LTAP1: variants seen among roughly 807,000 people sequenced by gnomAD.
The protein encoded by LTAP1 is HCV NS5A-transactivated protein 4.
chr1:154,207,399 T>C, the LTAP1 span: 5 of 1,570,808 alleles, frequency 3.2e-6, no homozygotes, highest in South Asian at 1.1e-5. Flanking sequence ...AAGCAGCCTG[T>C]CTTGCACATT....
chr1:154,218,426 G>A, the LTAP1 span, among the ~76,000 whole-genome samples: 1 of 152,204 alleles, frequency 6.6e-6, no homozygotes, highest in South Asian at 2.1e-4. Context: ...TTCATGATGT[G>A]CTAGAAACTA....
the LTAP1 span, chr1:154,220,159 G>T: frequency 1.2e-6 from 1 of 809,720 alleles, no homozygotes. Context: ...GAGGGTTCTA[G>T]ACTAACGAGG....
At chr1:154,212,321 CA>C in the LTAP1 span, 1 of 1,614,168 alleles carries the variant, frequency 6.2e-7, no homozygotes, top group Non-Finnish European at 8.5e-7. Context: ...CAAACTCACG[CA>C]GTGGCCAGCT....
the LTAP1 span, chr1:154,220,304 G>A: frequency 6.2e-7 from 1 of 1,611,410 alleles, no homozygotes; most frequent in Non-Finnish European, 8.5e-7. Flanking sequence ...TACTGGGTAA[G>A]ATGCGACAGC....
chr1:154,218,826 CAT>C, the LTAP1 span, among the ~76,000 whole-genome samples: 1 of 152,056 alleles, frequency 6.6e-6, no homozygotes, highest in Non-Finnish European at 1.5e-5. Flanking sequence ...AATGGACAAA[CAT>C]AAAAATTATG....
At chr1:154,219,245 G>C in the LTAP1 span, among the ~76,000 whole-genome samples, 2 of 152,212 alleles carry the variant, frequency 1.3e-5, no homozygotes, top group Non-Finnish European at 2.9e-5. Context: ...AGGAACTCAG[G>C]AAAGAGTTCT....
At chr1:154,216,248 C>T in the LTAP1 span, among the ~76,000 whole-genome samples, 2 of 152,066 alleles carry the variant, frequency 1.3e-5, no homozygotes, top group Non-Finnish European at 2.9e-5. Flanking sequence ...ATCGTGTCAC[C>T]CTAAAAAAGA....
At chr1:154,212,639 G>A in the LTAP1 span, 6 of 1,613,324 alleles carry the variant, frequency 3.7e-6, no homozygotes, top group Non-Finnish European at 5.1e-6. Context: ...GGAGAAAACA[G>A]CACAATGATA....
the LTAP1 span, chr1:154,206,774 A>G: frequency 6.3e-6 from 1 of 157,650 alleles, no homozygotes; most frequent in Admixed American, 6.3e-5. Flanking sequence ...AGACCAGTGC[A>G]TTGGGCTTGT....
At chr1:154,211,333 T>A in the LTAP1 span, among the ~76,000 whole-genome samples, 1 of 116,422 alleles carries the variant, frequency 8.6e-6, no homozygotes, top group Non-Finnish European at 1.8e-5. Context: ...TCTTTTTTTT[T>A]TTTTTTTTTT....
chr1:154,218,891 G>C, the LTAP1 span, among the ~76,000 whole-genome samples: 1 of 152,174 alleles, frequency 6.6e-6, no homozygotes, highest in Non-Finnish European at 1.5e-5. Flanking sequence ...AAGAGAGGGG[G>C]AACCTACTTT....
the LTAP1 span, among the ~76,000 whole-genome samples, chr1:154,211,324 CTTTTTTTTTTTTTTTT>C: frequency 1.5e-4 from 5 of 34,042 alleles, no homozygotes; most frequent in South Asian, 1.3e-3. Flanking sequence ...TTATTTAATT[CTTTTTTTTTTTTTTTT>C]TTTTTTTTTT....
At chr1:154,211,206 T>C in the LTAP1 span, among the ~76,000 whole-genome samples, 6 of 151,754 alleles carry the variant, frequency 4.0e-5, no homozygotes, top group African/African-American at 7.3e-5. Flanking sequence ...GGTTTCACCA[T>C]GTTGGCCAGG....
At chr1:154,219,803 G>A in the LTAP1 span, 1 of 1,446,830 alleles carries the variant, frequency 6.9e-7, no homozygotes, top group Non-Finnish European at 9.5e-7. Flanking sequence ...AAGATCTGGA[G>A]AAGTATGTTT....
chr1:154,220,453 C>G, the LTAP1 span: 13 of 1,611,546 alleles, frequency 8.1e-6, no homozygotes, highest in African/African-American at 1.7e-4. Flanking sequence ...CCCCGCTGTC[C>G]TGGCTGGTCA....
At chr1:154,214,738 C>T in the LTAP1 span, among the ~76,000 whole-genome samples, 3 of 152,180 alleles carry the variant, frequency 2.0e-5, no homozygotes, top group South Asian at 2.1e-4. Flanking sequence ...TAGGAAAGAA[C>T]GGGATTGGGT....
the LTAP1 span, among the ~76,000 whole-genome samples, chr1:154,218,347 T>A: frequency 4.1e-4 from 62 of 152,142 alleles, no homozygotes; most frequent in Non-Finnish European, 2.4e-4. Context: ...TTAGAAAAAA[T>A]TTTTAAGCAA....
chr1:154,214,512 C>A, the LTAP1 span: 5 of 1,613,960 alleles, frequency 3.1e-6, no homozygotes, highest in Non-Finnish European at 4.2e-6. Context: ...CTGCAAGGAG[C>A]TGGGGCTCAT....
the LTAP1 span, among the ~76,000 whole-genome samples, chr1:154,218,036 C>T: frequency 6.6e-6 from 1 of 152,182 alleles, no homozygotes; most frequent in Admixed American, 6.6e-5. Flanking sequence ...CTCACATGAT[C>T]TTCTGGCCTC....
Sources: allele counts gnomAD v4.1 joint callset (sites outside exome capture counted in the v4.1 genomes callset), GRCh38; gene constraint gnomAD v4.1.1; transcripts MANE v1.5; gene names NCBI Gene and HGNC (gene_info 2026-07-23, HGNC 2026-07-21).